The following FGF14 variants were observed in gnomAD, a reference collection of about 807,000 sequenced individuals.
FGF14 encodes fibroblast growth factor homologous factor 4.
In FGF14, 5 loss-of-function variants were observed where a neutral mutation model predicts 25.5. That is an observed-to-expected ratio of 0.20 (90% CI 0.10 to 0.41). The LOEUF is 0.41. FGF14 is among the 10% of genes least tolerant of loss of function. The pLI, the probability that FGF14 is intolerant of heterozygous loss-of-function variation, is 1.00. For synonymous variants in FGF14, 138 were observed against 118.3 expected, an observed-to-expected ratio of 1.17 and a Z score of -1.08; for missense variants, 222 against 320.1, an observed-to-expected ratio of 0.69 and a Z score of 2.34.
chr13:101,791,982 T>C (rs1405838649), intron 3 of FGF14, among the ~76,000 whole-genome samples: 1 of 152,136 alleles, frequency 6.6e-6, no homozygotes, highest in Non-Finnish European at 1.5e-5. Flanking sequence ...TACTACCCAA[T>C]GAACATAAAT....
At chr13:101,788,903 TATATATAGAGAGAGAG>T (rs1194418778) in intron 3 of FGF14, among the ~76,000 whole-genome samples, 73 of 35,622 alleles carry the variant, frequency 2.0e-3, no homozygotes, top group African/African-American at 5.0e-3. Flanking sequence ...TATATATATA[TATATATAGAGAGAGAG>T]AGAGAGAGAG....
intron 3 of FGF14, among the ~76,000 whole-genome samples, chr13:101,828,890 T>A (rs1056178975): frequency 3.3e-5 from 5 of 152,238 alleles, no homozygotes; most frequent in African/African-American, 1.2e-4. Flanking sequence ...CGTAGTTCCC[T>A]CACACCTTTC....
rs892010695 is a variant in FGF14, at chr13:101,716,000, C to T, written c.*6831G>A. On this transcript the variant is annotated 3_prime_UTR_variant, in exon 5 of 5. Transcript: ENST00000376143. Reference sequence around the variant, plus strand: ...CTGCAGACATTTGGTGGGTAGAGGCCAGGGATGCTGCTGAGCATCCCGCAG... The same window carrying T: ...CTGCAGACATTTGGTGGGTAGAGGCTAGGGATGCTGCTGAGCATCCCGCAG... 9.0e-5 allele frequency: 23 copies of T among 256,110 alleles called. No homozygotes were observed. Among genetic ancestry groups the T allele is most frequent in the Non-Finnish European group, 1.5e-4 (19 of 130,132 alleles). The allele number at this position is 256,110 out of a possible 1,614,324, so 15.9% of individuals were successfully genotyped here. A position where few individuals can be genotyped will look rare whatever the true frequency, so the allele number is the denominator to read the frequency against.
intron 1 of FGF14, among the ~76,000 whole-genome samples, chr13:101,915,360 A>G (rs563452211): frequency 5.6e-4 from 86 of 152,330 alleles, no homozygotes; most frequent in Middle Eastern, 3.4e-3. Flanking sequence ...CAGGGCATTT[A>G]AAACAAATAC....
chr13:102,064,050 T>C (rs944305697), intron 1 of FGF14, among the ~76,000 whole-genome samples: 4 of 152,142 alleles, frequency 2.6e-5, no homozygotes, highest in African/African-American at 9.7e-5. Flanking sequence ...AAAATAATGA[T>C]TTGAGCAAGG....
chr13:101,830,075 T>A (rs548070374), intron 3 of FGF14, among the ~76,000 whole-genome samples: 12 of 152,192 alleles, frequency 7.9e-5, no homozygotes, highest in African/African-American at 2.9e-4. Context: ...GTATTAGTTA[T>A]CTTGCATGTA....
chr13:101,973,238 A>T (rs1245815467), intron 1 of FGF14, among the ~76,000 whole-genome samples: 1 of 151,794 alleles, frequency 6.6e-6, no homozygotes, highest in Non-Finnish European at 1.5e-5. Flanking sequence ...AAAAAAAGTT[A>T]TCCCCTTCCT....
intron 1 of FGF14, among the ~76,000 whole-genome samples, chr13:102,240,740 C>T (rs957889905): frequency 6.6e-6 from 1 of 152,058 alleles, no homozygotes; most frequent in African/African-American, 2.4e-5. Flanking sequence ...TTTTTTAAAA[C>T]ATTTTTTTGA....
chr13:102,056,611 T>C (rs539675857), intron 1 of FGF14, among the ~76,000 whole-genome samples: 12 of 152,134 alleles, frequency 7.9e-5, no homozygotes, highest in Non-Finnish European at 1.6e-4. Context: ...TTATATGCAA[T>C]AGTTGCACAT....
At chr13:101,891,557 G>A (rs1284665378) in intron 1 of FGF14, among the ~76,000 whole-genome samples, 2 of 152,066 alleles carry the variant, frequency 1.3e-5, no homozygotes, top group Non-Finnish European at 2.9e-5. Context: ...TATTCACTGT[G>A]TCAAACACAC....
intron 1 of FGF14, among the ~76,000 whole-genome samples, chr13:102,291,797 C>A (rs1281571674): frequency 6.6e-6 from 1 of 152,142 alleles, no homozygotes. Context: ...GTGTCTGCAC[C>A]TCTGCCCTGA....
intron 1 of FGF14, among the ~76,000 whole-genome samples, chr13:101,932,982 C>T (rs1294248483): frequency 6.6e-6 from 1 of 152,082 alleles, no homozygotes; most frequent in Non-Finnish European, 1.5e-5. Context: ...TCCTGAAGTC[C>T]TATTTCTTCC....
intron 3 of FGF14, among the ~76,000 whole-genome samples, chr13:101,776,351 T>C (rs117151135): frequency 0.013 from 1,931 of 152,306 alleles, 10 homozygotes; most frequent in Non-Finnish European, 0.022. Context: ...CCACCTTAAC[T>C]TGAAGCCATC....
At chr13:102,296,763 C>G (rs2054733443) in intron 1 of FGF14, among the ~76,000 whole-genome samples, 1 of 152,048 alleles carries the variant, frequency 6.6e-6, no homozygotes, top group Non-Finnish European at 1.5e-5. Flanking sequence ...GTGAAACAAC[C>G]CAGGGAAACT....
At chr13:102,181,309 T>A (rs2048665026) in intron 1 of FGF14, among the ~76,000 whole-genome samples, 1 of 152,166 alleles carries the variant, frequency 6.6e-6, no homozygotes, top group Admixed American at 6.6e-5. Flanking sequence ...GTAAAAGGAA[T>A]TCCATGACAT....
At chr13:102,239,000 A>G (rs1448907974) in intron 1 of FGF14, among the ~76,000 whole-genome samples, 3 of 152,098 alleles carry the variant, frequency 2.0e-5, no homozygotes, top group African/African-American at 7.2e-5. Context: ...AGCATGGTGG[A>G]CTCAAAAGAC....
intron 1 of FGF14, among the ~76,000 whole-genome samples, chr13:102,038,983 C>A (rs769306476): frequency 5.6e-4 from 86 of 152,218 alleles, no homozygotes; most frequent in Middle Eastern, 3.4e-3. Context: ...CTGGTAGTGA[C>A]ATGGATTAGC....
At chr13:102,369,238 G>C (rs1023677255) in intron 1 of FGF14, among the ~76,000 whole-genome samples, 1 of 152,140 alleles carries the variant, frequency 6.6e-6, no homozygotes, top group Non-Finnish European at 1.5e-5. Context: ...TTCATTGAAG[G>C]GCTCCCAGCA....
chr13:102,352,165 G>C (rs961220068), intron 1 of FGF14, among the ~76,000 whole-genome samples: 2 of 151,504 alleles, frequency 1.3e-5, no homozygotes, highest in African/African-American at 4.9e-5. Context: ...CTGAGCCTTT[G>C]AAATGTACTG....
Sources: gnomAD v4.1 joint callset for allele counts (sites outside exome capture counted in the v4.1 genomes callset) on GRCh38, gnomAD v4.1.1 for gene constraint, MANE v1.5 for transcripts, NCBI Gene and HGNC (gene_info 2026-07-23, HGNC 2026-07-21) for gene names.